Variants in GRM7 observed in about 807,000 individuals in gnomAD.
GRM7 encodes the protein metabotropic glutamate receptor 7.
In GRM7, 35 loss-of-function variants were observed where a neutral mutation model predicts 84.5. The observed-to-expected ratio is 0.41, with a 90% CI of 0.32 to 0.55. The LOEUF is 0.55. GRM7 is among the 20% of genes least tolerant of loss of function. The probability of loss-of-function intolerance (pLI) is 0.19; values close to 1 mark genes in which losing one functional copy is unlikely to be tolerated. For missense variants in GRM7, 1,003 were observed against 1,194.6 expected, an observed-to-expected ratio of 0.84 and a Z score of 2.36; for synonymous variants, 487 against 455.1, an observed-to-expected ratio of 1.07 and a Z score of -0.89.
chr3:7,536,977 T>G (rs1701268197), intron 7 of GRM7, among the ~76,000 whole-genome samples: 1 of 152,190 alleles, frequency 6.6e-6, no homozygotes, highest in South Asian at 2.1e-4. Flanking sequence ...CTTTCCAACA[T>G]TTCTGAAATG....
chr3:7,166,684 T>C (rs984132440), intron 2 of GRM7, among the ~76,000 whole-genome samples: 1 of 152,174 alleles, frequency 6.6e-6, no homozygotes. Flanking sequence ...TCTAAGCCAA[T>C]TCCAGGGCAG....
chr3:7,481,619 AATG>A (rs1361713990), intron 7 of GRM7, among the ~76,000 whole-genome samples: 2 of 152,308 alleles, frequency 1.3e-5, no homozygotes, highest in East Asian at 3.9e-4. Context: ...TTTTAAGGAT[AATG>A]ATAACTCTTA....
chr3:7,159,058 CATATATTA>C (rs976038887), intron 2 of GRM7, among the ~76,000 whole-genome samples: 1 of 152,058 alleles, frequency 6.6e-6, no homozygotes, highest in African/African-American at 2.4e-5. Flanking sequence ...TAATTCTGCC[CATATATTA>C]AAGGGTTTCT....
chr3:7,612,334 A>G (rs891762861), intron 8 of GRM7, among the ~76,000 whole-genome samples: 3 of 152,180 alleles, frequency 2.0e-5, no homozygotes, highest in Admixed American at 6.6e-5. Flanking sequence ...TTGAGATGTC[A>G]TAAAGTGCTT....
intron 5 of GRM7, among the ~76,000 whole-genome samples, chr3:7,432,582 A>C (rs1696874029): frequency 6.6e-6 from 1 of 152,052 alleles, no homozygotes; most frequent in South Asian, 2.1e-4. Flanking sequence ...TGTGCCTCCC[A>C]AAGTGCTAGG....
chr3:7,272,465 G>T (rs1170713238), intron 2 of GRM7, among the ~76,000 whole-genome samples: 2 of 152,138 alleles, frequency 1.3e-5, no homozygotes, highest in Non-Finnish European at 2.9e-5. Context: ...CACATCATTG[G>T]TAAACCCATC....
At chr3:7,484,243 A>G (rs1277361028) in intron 7 of GRM7, among the ~76,000 whole-genome samples, 2 of 152,186 alleles carry the variant, frequency 1.3e-5, no homozygotes, top group African/African-American at 2.4e-5. Flanking sequence ...AGACTTTGTC[A>G]GGTCTTGTTG....
At chr3:7,339,694 G>A (rs1466327472) in intron 4 of GRM7, among the ~76,000 whole-genome samples, 3 of 151,292 alleles carry the variant, frequency 2.0e-5, no homozygotes, top group African/African-American at 4.9e-5. Context: ...TTCATGGCAA[G>A]GAACAAAGTC....
intron 8 of GRM7, among the ~76,000 whole-genome samples, chr3:7,618,509 T>C (rs1163637742): frequency 6.6e-6 from 1 of 152,114 alleles, no homozygotes; most frequent in Non-Finnish European, 1.5e-5. Flanking sequence ...ACAACTTGGG[T>C]TTTTTTAATT....
At chr3:6,933,791 G>A (rs955554273) in intron 1 of GRM7, among the ~76,000 whole-genome samples, 2 of 151,132 alleles carry the variant, frequency 1.3e-5, no homozygotes, top group Admixed American at 1.3e-4. Context: ...GTACAAAACT[G>A]TGCCAGAGTG....
At position 7,034,452 on chromosome 3, in the gene GRM7, C is replaced by G. The variant is rs533423613; in HGVS notation, c.520-112000C>G. 5.9e-5 allele frequency among the ~76,000 whole-genome samples: 9 copies of G among 152,186 alleles called. No individual in the cohort carries two copies. In the East Asian group the frequency reaches 1.5e-3, roughly 26 times the overall value. On this transcript the variant is annotated intron_variant, in intron 1 of 9. Coordinates refer to ENST00000357716, the MANE Select transcript of GRM7 (RefSeq NM_000844.4). The stretch of plus-strand genomic sequence containing the variant: ...AGCATTTACTAGATGATAACTCCCA[C>G]CAATAGAAGTATGGCTACTTGATTT...
chr3:6,970,679 A>G (rs1313411192), intron 1 of GRM7, among the ~76,000 whole-genome samples: 2 of 152,062 alleles, frequency 1.3e-5, no homozygotes, highest in African/African-American at 4.8e-5. Flanking sequence ...GGCAGTTCCT[A>G]CAAAAAAACC....
At chr3:7,468,978 A>T (rs1698578202) in intron 7 of GRM7, among the ~76,000 whole-genome samples, 1 of 152,200 alleles carries the variant, frequency 6.6e-6, no homozygotes, top group Admixed American at 6.5e-5. Flanking sequence ...AATACACATG[A>T]TCCATAATTG....
intron 2 of GRM7, among the ~76,000 whole-genome samples, chr3:7,166,697 G>A (rs1694810652): frequency 6.6e-6 from 1 of 152,168 alleles, no homozygotes; most frequent in Admixed American, 6.5e-5. Flanking sequence ...CAGGGCAGCT[G>A]CTTATTAACG....
chr3:7,202,791 C>T (rs900683700), intron 2 of GRM7, among the ~76,000 whole-genome samples: 1 of 152,292 alleles, frequency 6.6e-6, no homozygotes. Flanking sequence ...AGAAAACTGT[C>T]TTTTTATCTT....
At chr3:7,155,418 G>C (rs559220418) in intron 2 of GRM7, among the ~76,000 whole-genome samples, 2 of 151,956 alleles carry the variant, frequency 1.3e-5, no homozygotes, top group Non-Finnish European at 2.9e-5. Flanking sequence ...AAAGGAGTAG[G>C]CTTTAACTGT....
intron 2 of GRM7, among the ~76,000 whole-genome samples, chr3:7,229,750 TATATATA>T (rs1697115755): frequency 2.5e-4 from 9 of 36,292 alleles, no homozygotes; most frequent in African/African-American, 6.8e-4. Flanking sequence ...TATATATATA[TATATATA>T]TATTTTTTTT....
chr3:7,048,799 T>G (rs188574448), intron 1 of GRM7, among the ~76,000 whole-genome samples: 2 of 152,110 alleles, frequency 1.3e-5, no homozygotes, highest in African/African-American at 4.8e-5. Flanking sequence ...GTCACCATGC[T>G]GTACAATAGA....
chr3:7,166,506 A>G (rs949810522), intron 2 of GRM7, among the ~76,000 whole-genome samples: 7 of 152,122 alleles, frequency 4.6e-5, no homozygotes, highest in Non-Finnish European at 7.4e-5. Context: ...ACCCTTCCCC[A>G]GCCACTGTCT....
Sources: allele counts gnomAD v4.1 joint callset (sites outside exome capture counted in the v4.1 genomes callset), GRCh38; gene constraint gnomAD v4.1.1; transcripts MANE v1.5; gene names NCBI Gene and HGNC (gene_info 2026-07-23, HGNC 2026-07-21).